Variants in NBEA observed in about 807,000 individuals in gnomAD.
The protein encoded by NBEA is lysosomal-trafficking regulator 2.
In NBEA, 44 loss-of-function variants were observed where a neutral mutation model predicts 343.4. The observed-to-expected ratio is 0.13, with a 90% confidence interval of 0.10 to 0.16. NBEA has a LOEUF of 0.16. Ranked by LOEUF, NBEA falls within the 10% of genes least tolerant of loss-of-function variation. NBEA has a pLI of 1.00. For missense variants in NBEA, 2,555 were observed against 3,631.3 expected, an observed-to-expected ratio of 0.70 and a Z score of 7.62; for synonymous variants, 1,175 against 1,238.7, an observed-to-expected ratio of 0.95 and a Z score of 1.08.
intron 8 of NBEA, among the ~76,000 whole-genome samples, chr13:35,067,747 T>A (rs1259135718): frequency 2.0e-5 from 3 of 152,024 alleles, no homozygotes; most frequent in African/African-American, 7.2e-5. Flanking sequence ...TTAAAAAAAA[T>A]TTTTTAAGAC....
chr13:35,312,542 C>G (rs1212698613), intron 36 of NBEA, among the ~76,000 whole-genome samples: 1 of 152,140 alleles, frequency 6.6e-6, no homozygotes, highest in African/African-American at 2.4e-5. Context: ...GCAAAGAATA[C>G]TGGAGAATAA....
At chr13:35,595,396 G>A (rs925780640) in intron 47 of NBEA, among the ~76,000 whole-genome samples, 6 of 151,908 alleles carry the variant, frequency 3.9e-5, no homozygotes, top group African/African-American at 1.5e-4. Context: ...TCCCCAGGAT[G>A]ACATTACACA....
At chr13:35,095,023 T>C (rs1476976806) in intron 10 of NBEA, among the ~76,000 whole-genome samples, 1 of 151,816 alleles carries the variant, frequency 6.6e-6, no homozygotes, top group African/African-American at 2.4e-5. Context: ...GGTACTTAGC[T>C]TTTTCAGTAA....
chr13:35,451,220 T>TTCACGCCATTCTCCTGCC, intron 39 of NBEA, among the ~76,000 whole-genome samples: 2 of 152,152 alleles, frequency 1.3e-5, no homozygotes, highest in South Asian at 4.2e-4. Context: ...GCCTCCCGGG[T>TTCACGCCATTCTCCTGCC]TCACGCCATT....
intron 38 of NBEA, among the ~76,000 whole-genome samples, chr13:35,387,041 ATATAT>A (rs1566060799): frequency 1.3e-5 from 2 of 152,002 alleles, no homozygotes; most frequent in African/African-American, 4.8e-5. Flanking sequence ...ACCTTTTCTG[ATATAT>A]TAGATTGGTT....
intron 1 of NBEA, among the ~76,000 whole-genome samples, chr13:34,966,336 C>CCT (rs2059820414): frequency 6.6e-6 from 1 of 152,004 alleles, no homozygotes; most frequent in Non-Finnish European, 1.5e-5. Context: ...GAGAGCACAG[C>CCT]CTCTTCTGTA....
chr13:35,074,693 AT>A (rs959186546), intron 10 of NBEA, among the ~76,000 whole-genome samples: 3 of 152,138 alleles, frequency 2.0e-5, no homozygotes, highest in Non-Finnish European at 4.4e-5. Flanking sequence ...TAAAAAATAA[AT>A]TTTATTGTGT....
At chr13:35,163,452 G>A (rs896547963) in intron 23 of NBEA, among the ~76,000 whole-genome samples, 1 of 151,790 alleles carries the variant, frequency 6.6e-6, no homozygotes, top group East Asian at 1.9e-4. Flanking sequence ...TCAGGAGTTC[G>A]AGACCAGGGC....
chr13:35,112,375 G>T (rs1448841567), intron 13 of NBEA, among the ~76,000 whole-genome samples: 2 of 151,816 alleles, frequency 1.3e-5, no homozygotes, highest in Admixed American at 1.3e-4. Context: ...TACATATAAT[G>T]TAATTATAGA....
chr13:35,023,540 G>A (rs1285242621), intron 1 of NBEA, among the ~76,000 whole-genome samples: 2 of 152,084 alleles, frequency 1.3e-5, no homozygotes, highest in Non-Finnish European at 1.5e-5. Flanking sequence ...GAAAAGAAAT[G>A]TTTCAGATGA....
At chr13:35,042,335 C>A (rs2062683985) in intron 2 of NBEA, among the ~76,000 whole-genome samples, 1 of 151,518 alleles carries the variant, frequency 6.6e-6, no homozygotes, top group Non-Finnish European at 1.5e-5. Flanking sequence ...TCTTAAAATA[C>A]CTTTTTAATA....
chr13:35,157,812 G>A (rs1310112845), intron 21 of NBEA, among the ~76,000 whole-genome samples: 1 of 151,962 alleles, frequency 6.6e-6, no homozygotes, highest in Non-Finnish European at 1.5e-5. Context: ...ATTAGATTCT[G>A]GAAATTCAGA....
intron 38 of NBEA, among the ~76,000 whole-genome samples, chr13:35,358,337 C>A (rs2040613743): frequency 6.6e-6 from 1 of 151,758 alleles, no homozygotes. Context: ...ACAAATAATT[C>A]TTGAGCTTCT....
chr13:35,176,079 A>C (rs2070877376), intron 27 of NBEA, among the ~76,000 whole-genome samples: 1 of 152,126 alleles, frequency 6.6e-6, no homozygotes, highest in Non-Finnish European at 1.5e-5. Flanking sequence ...TGAAGTTCAG[A>C]GAGGTTAACT....
chr13:35,637,446 C>T (rs2083739355), intron 49 of NBEA, among the ~76,000 whole-genome samples: 1 of 152,088 alleles, frequency 6.6e-6, no homozygotes, highest in Non-Finnish European at 1.5e-5. Flanking sequence ...ATTCTACTTC[C>T]GGATATATAT....
intron 41 of NBEA, among the ~76,000 whole-genome samples, chr13:35,487,401 T>C (rs1013428877): frequency 3.3e-5 from 5 of 152,090 alleles, no homozygotes; most frequent in Non-Finnish European, 7.4e-5. Flanking sequence ...TTTACTAAAA[T>C]GTGTCATGCA....
At chr13:35,296,508 A>T (rs2036142232) in intron 35 of NBEA, among the ~76,000 whole-genome samples, 1 of 152,096 alleles carries the variant, frequency 6.6e-6, no homozygotes, top group Non-Finnish European at 1.5e-5. Flanking sequence ...ATCATTTTTA[A>T]GAGTGTTTAA....
chr13:35,571,111 C>G (rs1226363033), intron 45 of NBEA, among the ~76,000 whole-genome samples: 1 of 152,158 alleles, frequency 6.6e-6, no homozygotes, highest in Non-Finnish European at 1.5e-5. Context: ...TAATTCTTAG[C>G]AGTGAATAAT....
At chr13:35,578,365 C>T (rs944131469) in intron 45 of NBEA, among the ~76,000 whole-genome samples, 2 of 152,074 alleles carry the variant, frequency 1.3e-5, no homozygotes, top group Non-Finnish European at 2.9e-5. Flanking sequence ...AGAAAAAAGT[C>T]ACATCAAGGG....
Sources: gnomAD v4.1 joint callset for allele counts (sites outside exome capture counted in the v4.1 genomes callset) on GRCh38, gnomAD v4.1.1 for gene constraint, MANE v1.5 for transcripts, NCBI Gene and HGNC (gene_info 2026-07-23, HGNC 2026-07-21) for gene names.